TCF7L1: variants seen among roughly 807,000 people sequenced by gnomAD.
TCF7L1 encodes the protein transcription factor 7-like 1.
Under a neutral mutation model 63.7 loss-of-function variants are expected in TCF7L1, and 18 were observed. The observed-to-expected ratio is 0.28, with a 90% CI of 0.20 to 0.42. The LOEUF (loss-of-function observed/expected upper bound fraction) is 0.42. TCF7L1 is among the 10% of genes least tolerant of loss of function. The pLI, the probability that TCF7L1 is intolerant of heterozygous loss-of-function variation, is 1.00. For missense variants in TCF7L1, 654 were observed against 779.3 expected (o/e 0.84, Z 1.91); for synonymous variants, 355 against 340.9 (o/e 1.04, Z -0.46).
chr2:85,260,741 T>G (rs1211995062), intron 3 of TCF7L1, among the ~76,000 whole-genome samples: 5 of 151,798 alleles, frequency 3.3e-5, no homozygotes, highest in Non-Finnish European at 7.4e-5. Context: ...GAACATATGT[T>G]GAATAATGTG....
chr2:85,253,288 C>T (rs1680635934), intron 3 of TCF7L1, among the ~76,000 whole-genome samples: 1 of 150,972 alleles, frequency 6.6e-6, no homozygotes, highest in Non-Finnish European at 1.5e-5. Flanking sequence ...AGTTTGACAG[C>T]CAGTCAGAAG....
At chr2:85,245,365 A>G (rs1680435708) in intron 3 of TCF7L1, among the ~76,000 whole-genome samples, 1 of 152,164 alleles carries the variant, frequency 6.6e-6, no homozygotes, top group Non-Finnish European at 1.5e-5. Context: ...AAGCCTCTTC[A>G]CTGGGCATCA....
At chr2:85,144,915 C>T (rs968073175) in intron 3 of TCF7L1, among the ~76,000 whole-genome samples, 1 of 151,900 alleles carries the variant, frequency 6.6e-6, no homozygotes, top group African/African-American at 2.4e-5. Context: ...GAAACCCCGT[C>T]TCTACTAAAA....
intron 3 of TCF7L1, among the ~76,000 whole-genome samples, chr2:85,180,179 T>C (rs1331696632): frequency 1.3e-5 from 2 of 151,482 alleles, no homozygotes; most frequent in African/African-American, 4.9e-5. Flanking sequence ...GAATCTAGTA[T>C]TGAGTTTCTA....
At chr2:85,265,596 G>A (rs563592547) in intron 3 of TCF7L1, among the ~76,000 whole-genome samples, 230 of 152,272 alleles carry the variant, frequency 1.5e-3, no homozygotes, top group African/African-American at 5.0e-3. Context: ...TGGCCCCAGC[G>A]TATGTTGCCC....
chr2:85,183,257 C>T (rs1469188890), intron 3 of TCF7L1, among the ~76,000 whole-genome samples: 1 of 152,164 alleles, frequency 6.6e-6, no homozygotes, highest in Non-Finnish European at 1.5e-5. Context: ...CATAGGCATA[C>T]ATGCCTTTCA....
chr2:85,264,562 C>T (rs1438451831), intron 3 of TCF7L1, among the ~76,000 whole-genome samples: 4 of 152,202 alleles, frequency 2.6e-5, no homozygotes, highest in Non-Finnish European at 4.4e-5. Flanking sequence ...GGTCCTCAAA[C>T]AGCTGCTTGT....
chr2:85,206,982 G>A (rs1572991603), intron 3 of TCF7L1, among the ~76,000 whole-genome samples: 1 of 152,160 alleles, frequency 6.6e-6, no homozygotes, highest in Non-Finnish European at 1.5e-5. Context: ...GTTAAGGCGC[G>A]TGCGTGGTAT....
intron 3 of TCF7L1, chr2:85,232,854 G>C (rs1272777000): frequency 6.6e-6 from 1 of 152,144 alleles, no homozygotes; most frequent in South Asian, 2.1e-4. Flanking sequence ...AAAACCAGTG[G>C]GCTACTGTTA....
chr2:85,147,502 A>C (rs1677908699), intron 3 of TCF7L1, among the ~76,000 whole-genome samples: 1 of 151,956 alleles, frequency 6.6e-6, no homozygotes. Context: ...GAGGAAAGAC[A>C]GGGAGGGGAC....
intron 7 of TCF7L1, among the ~76,000 whole-genome samples, chr2:85,304,966 C>A (rs1682073447): frequency 1.3e-5 from 2 of 152,160 alleles, no homozygotes; most frequent in South Asian, 4.1e-4. Flanking sequence ...ACAGCCTAAG[C>A]CCTTCTTTTC....
intron 3 of TCF7L1, among the ~76,000 whole-genome samples, chr2:85,209,456 G>T (rs1679494056): frequency 6.6e-6 from 1 of 152,186 alleles, no homozygotes; most frequent in Admixed American, 6.5e-5. Flanking sequence ...TTTTCCTGTG[G>T]TCTGCCCGTT....
At chr2:85,173,334 G>A (rs541828274) in intron 3 of TCF7L1, among the ~76,000 whole-genome samples, 6 of 152,002 alleles carry the variant, frequency 3.9e-5, no homozygotes, top group Admixed American at 3.9e-4. Flanking sequence ...GAGGGGGTGG[G>A]GGGCTCCAAA....
At chr2:85,293,633 A>G (rs1173766188) in intron 4 of TCF7L1, among the ~76,000 whole-genome samples, 2 of 152,232 alleles carry the variant, frequency 1.3e-5, no homozygotes, top group Non-Finnish European at 2.9e-5. Flanking sequence ...GGGCAAGGGA[A>G]GGAAAGAGAA....
Position 85,306,552 on chromosome 2 carries a change from A to G in TCF7L1, c.1250A>G (p.Asp417Gly). ...CTCTACCCAACCTGGTCAGCCCGGG[A>G]CAACTATGTAAGTGCACACTCTGGG... ...SQLYPTWSAR[D>G]NYGKKKKRKR... is the part of the protein sequence containing the mutation. The change falls in exon 10 of 12, where the codon GAC (aspartate) becomes GGC (glycine). Residue 417 changes from aspartate (D) to glycine (G), a missense_variant. Asp to Gly is a moderately conservative substitution (Grantham distance 94). Transcript: ENST00000282111. This position sits in a 1 kb window ranked among gnomAD's most constrained non-coding sequence, Gnocchi z 4.3. 2 of 1,614,188 alleles carry G rather than the reference A, an allele frequency of 1.2e-6. No homozygotes were observed. The highest frequency in any genetic ancestry group is 1.7e-6 in the Non-Finnish European group (2 of 1,180,026).
intron 4 of TCF7L1, among the ~76,000 whole-genome samples, chr2:85,294,560 C>CA (rs1260293963): frequency 6.6e-6 from 1 of 152,248 alleles, no homozygotes; most frequent in East Asian, 1.9e-4. Context: ...TTTAGCATTG[C>CA]AAATTGGGTC....
At chr2:85,214,984 G>GGA (rs1365727732) in intron 3 of TCF7L1, among the ~76,000 whole-genome samples, 1 of 152,170 alleles carries the variant, frequency 6.6e-6, no homozygotes, top group Non-Finnish European at 1.5e-5. Context: ...AGCCAGCTAT[G>GGA]GAGAGTAAAA....
chr2:85,181,316 G>A (rs560308840), intron 3 of TCF7L1, among the ~76,000 whole-genome samples: 20 of 152,362 alleles, frequency 1.3e-4, no homozygotes, highest in African/African-American at 3.6e-4. Context: ...AAAGCTAGGT[G>A]TAAGTTAGTA....
At chr2:85,194,410 T>A (rs1019320445) in intron 3 of TCF7L1, among the ~76,000 whole-genome samples, 1 of 152,114 alleles carries the variant, frequency 6.6e-6, no homozygotes, top group Admixed American at 6.5e-5. Context: ...ACGCCTGTAA[T>A]CCCAGCTACT....
Sources: gnomAD v4.1 joint callset for allele counts (sites outside exome capture counted in the v4.1 genomes callset) on GRCh38, gnomAD v4.1.1 for gene constraint, Gnocchi (gnomAD v3.1) non-coding constraint, MANE v1.5 for transcripts, NCBI Gene and HGNC (gene_info 2026-07-23, HGNC 2026-07-21) for gene names.